Variants in GABRA3 observed in about 807,000 individuals in gnomAD.
GABRA3 encodes gamma-aminobutyric acid receptor subunit alpha-3.
In GABRA3, 10 loss-of-function variants were observed where a neutral mutation model predicts 30.1. That is an observed-to-expected ratio of 0.33 (90% CI 0.20 to 0.56). The LOEUF (loss-of-function observed/expected upper bound fraction) is 0.56. Ranked by LOEUF, GABRA3 falls within the 20% of genes least tolerant of loss-of-function variation. GABRA3 has a pLI of 0.89. For synonymous variants in GABRA3, 151 were observed against 146.8 expected (o/e 1.03, Z -0.21); for missense variants, 233 against 392.0 (o/e 0.59, Z 3.42).
chrX:152,360,713 AAAAAAAAAAAATT>A lies in GABRA3; in HGVS notation c.140+3705_140+3717del, dbSNP rs1470938047. On this transcript the variant is annotated intron_variant, in intron 2 of 9. Coordinates refer to ENST00000370314, the MANE Select transcript of GABRA3 (RefSeq NM_000808.4). ...AGAGTATAATAAAAAAAAAAAAATT[AAAAAAAAAAAATT>A]AAAAAAAAAAATTAAAAAAAAAAAT... Among the ~76,000 whole-genome samples the A allele has an allele frequency of 1.1e-3, 78 of 70,674 alleles. 2 individuals are homozygous for A. Among genetic ancestry groups the A allele is most frequent in the South Asian group, 9.0e-3 (13 of 1,438 alleles). 61.4% of individuals were successfully genotyped at this position (70,674 alleles called of 115,157 possible).
At chrX:152,241,673 A>T (rs766629462) in intron 5 of GABRA3, among the ~76,000 whole-genome samples, 1 of 108,296 alleles carries the variant, frequency 9.2e-6, no homozygotes, top group Non-Finnish European at 1.9e-5. Flanking sequence ...TGGGCGTAGG[A>T]CCCTCTGAGC....
At chrX:152,236,306 C>T (rs1297862136) in intron 5 of GABRA3, among the ~76,000 whole-genome samples, 1 of 105,250 alleles carries the variant, frequency 9.5e-6, no homozygotes, top group Non-Finnish European at 1.9e-5. Context: ...CATCCATGTC[C>T]CTACAAAGGA....
intron 3 of GABRA3, among the ~76,000 whole-genome samples, chrX:152,329,011 A>T (rs1481053228): frequency 1.8e-5 from 2 of 112,315 alleles, no homozygotes; most frequent in African/African-American, 6.5e-5. Context: ...GTCTCTGGAT[A>T]CAAAATCAAT....
chrX:152,264,059 C>A (rs1938778329), intron 4 of GABRA3, among the ~76,000 whole-genome samples: 1 of 111,485 alleles, frequency 9.0e-6, no homozygotes, highest in African/African-American at 3.3e-5. Flanking sequence ...CACAACCAGA[C>A]CTGCCCTATA....
At chrX:152,217,936 T>C (rs5970228) in intron 6 of GABRA3, among the ~76,000 whole-genome samples, 10,985 of 109,267 alleles carry the variant, frequency 0.1, 1,143 homozygotes, top group East Asian at 0.32. Flanking sequence ...TTTTATTTTC[T>C]TTAATTTTTA....
At chrX:152,328,001 A>C (rs187610319) in intron 3 of GABRA3, among the ~76,000 whole-genome samples, 3 of 111,846 alleles carry the variant, frequency 2.7e-5, no homozygotes, top group East Asian at 5.6e-4. Context: ...AAACACGATA[A>C]AAAATGATAA....
rs763435313 is a variant in GABRA3, at chrX:152,372,174, A to AT, written c.-26-7579_-26-7578insA. 7.6e-3 allele frequency among the ~76,000 whole-genome samples: 825 copies of AT among 108,111 alleles called. 8 individuals are homozygous for AT. Among genetic ancestry groups the AT allele is most frequent in the South Asian group, 0.039 (98 of 2,484 alleles). The allele number at this position is 108,111 out of a possible 115,157, so 93.9% of individuals were successfully genotyped here. A position where few individuals can be genotyped will look rare whatever the true frequency, so the allele number is the denominator to read the frequency against. The stretch of plus-strand genomic sequence containing the variant: ...AGAATGAGGGGTTTTTAGAAAAAAA[A>AT]ATATATATAAGTCAGACCCACTCTC... On this transcript the variant is annotated intron_variant, in intron 1 of 9. Transcript: ENST00000370314.
intron 6 of GABRA3, among the ~76,000 whole-genome samples, chrX:152,216,148 A>T (rs976228337): frequency 2.7e-5 from 3 of 110,920 alleles, no homozygotes; most frequent in Admixed American, 9.6e-5. Flanking sequence ...GTGAGAATGC[A>T]AATTGGTACT....
chrX:152,340,686 C>T (rs1049135374), intron 3 of GABRA3, among the ~76,000 whole-genome samples: 2 of 111,958 alleles, frequency 1.8e-5, no homozygotes, highest in African/African-American at 6.5e-5. Context: ...AGTCTAGTAT[C>T]CTTCTAAAGT....
At chrX:152,432,061 T>C (rs1482457117) in intron 1 of GABRA3, among the ~76,000 whole-genome samples, 2 of 111,779 alleles carry the variant, frequency 1.8e-5, no homozygotes, top group Admixed American at 9.5e-5. Context: ...GGCACTGATA[T>C]GGTCATAATA....
intron 2 of GABRA3, among the ~76,000 whole-genome samples, chrX:152,358,838 A>T (rs886126438): frequency 1.8e-4 from 20 of 111,693 alleles, no homozygotes; most frequent in African/African-American, 5.9e-4. Context: ...TTTTGTTTTT[A>T]GTTCTACTTA....
intron 3 of GABRA3, among the ~76,000 whole-genome samples, chrX:152,315,938 A>C (rs1939867102): frequency 1.1e-5 from 1 of 87,237 alleles, no homozygotes; most frequent in Non-Finnish European, 2.2e-5. Flanking sequence ...GACAAAGGTC[A>C]TATTCTCTTG....
Position 152,375,906 on chromosome X carries a change from TA to T in GABRA3, c.-26-11311del, listed in dbSNP as rs750574364. ...ATGATCAGAAGAGACAAACCACCCA[TA>T]TTAGACACTAGCTAATTATTAATGC... On this transcript the variant is annotated intron_variant, in intron 1 of 9. Coordinates refer to ENST00000370314, the MANE Select transcript of GABRA3 (RefSeq NM_000808.4). 2.4e-3 allele frequency among the ~76,000 whole-genome samples: 266 copies of T among 111,935 alleles called. 3 individuals carry two copies. The highest frequency in any genetic ancestry group is 8.1e-3 in the African/African-American group (251 of 30,830).
At chrX:152,314,908 T>C (rs1258587188) in intron 3 of GABRA3, among the ~76,000 whole-genome samples, 1 of 111,760 alleles carries the variant, frequency 8.9e-6, no homozygotes, top group Non-Finnish European at 1.9e-5. Flanking sequence ...AACCTCTACA[T>C]TAAGTACAAT....
intron 1 of GABRA3, chrX:152,393,513 A>T (rs778390433): frequency 1.2e-4 from 43 of 372,548 alleles, no homozygotes; most frequent in South Asian, 1.0e-3. Flanking sequence ...ATGAGCAAAA[A>T]CCTACAATAT....
At chrX:152,232,245 C>T (rs778927871) in intron 5 of GABRA3, among the ~76,000 whole-genome samples, 8 of 111,024 alleles carry the variant, frequency 7.2e-5, no homozygotes, top group African/African-American at 2.6e-4. Context: ...TTTTAGAAAG[C>T]ATGCTTACCT....
chrX:152,432,119 T>C (rs1930662845), intron 1 of GABRA3, among the ~76,000 whole-genome samples: 1 of 111,311 alleles, frequency 9.0e-6, no homozygotes, highest in East Asian at 2.8e-4. Context: ...TAAAAGAGTA[T>C]GGGGATGGGA....
At chrX:152,241,615 T>C (rs12013456) in intron 5 of GABRA3, among the ~76,000 whole-genome samples, 12 of 108,879 alleles carry the variant, frequency 1.1e-4, no homozygotes, top group Non-Finnish European at 1.9e-4. Flanking sequence ...TCGCTGCTGC[T>C]TTGCAGTTTG....
rs754282467 is a variant in GABRA3 at position 152,321,897 on chromosome X, T to C, written c.262+23684A>G. 3.6e-5 allele frequency among the ~76,000 whole-genome samples: 4 copies of C among 110,667 alleles called. No homozygotes were observed. In the East Asian group the frequency reaches 1.1e-3, roughly 32 times the overall value. On this transcript the variant is annotated intron_variant, in intron 3 of 9. Coordinates refer to ENST00000370314, the MANE Select transcript of GABRA3 (RefSeq NM_000808.4). ...TCTCCTCTCTTCTCCCCGCCACTCC[T>C]CTCCTCTCCATCAAAAAATAAAGTA...
Sources: gnomAD v4.1 joint callset for allele counts (sites outside exome capture counted in the v4.1 genomes callset) on GRCh38, gnomAD v4.1.1 for gene constraint, MANE v1.5 for transcripts, NCBI Gene and HGNC (gene_info 2026-07-23, HGNC 2026-07-21) for gene names.